HPSE: variants seen among roughly 807,000 people sequenced by gnomAD.
HPSE encodes the protein endo-glucoronidase.
A neutral mutation model predicts 65.1 loss-of-function variants in HPSE; 48 were observed. That is an observed-to-expected ratio of 0.74 (90% confidence interval 0.58 to 0.94). The LOEUF is 0.94. HPSE is among the 40% of genes least tolerant of loss of function. The probability of loss-of-function intolerance (pLI) is 0.00; values close to 1 mark genes in which losing one functional copy is unlikely to be tolerated. For missense variants in HPSE, 644 were observed against 637.5 expected (o/e 1.01, Z -0.11); for synonymous variants, 243 against 260.0 (o/e 0.93, Z 0.63).
At chr4:83,310,513 T>C (rs115487484) in intron 5 of HPSE, among the ~76,000 whole-genome samples, 1 of 151,872 alleles carries the variant, frequency 6.6e-6, no homozygotes, top group African/African-American at 2.4e-5. Flanking sequence ...TACAAAAAAA[T>C]TTTTTTAAAG....
intron 6 of HPSE, among the ~76,000 whole-genome samples, chr4:83,309,725 T>G (rs11732810): frequency 0.71 from 108,437 of 152,018 alleles, 39,414 homozygotes; most frequent in East Asian, 0.87. Context: ...CAGTGGCAAG[T>G]ACATGTACTC....
chr4:83,310,651 G>C (rs1253612277), intron 5 of HPSE, 71 bp downstream of exon 5: 22 of 1,437,274 alleles, frequency 1.5e-5, no homozygotes, highest in Non-Finnish European at 2.0e-5. Context: ...CAGTCTGGCT[G>C]ACAGAGTGAG....
At position 83,309,395 on chromosome 4, in the gene HPSE, C is replaced by CTATT; in HGVS notation, c.984+3_984+6dup. 1 of 1,453,192 alleles carries CTATT rather than the reference C, an allele frequency of 6.9e-7. No individual in the cohort carries two copies. The highest frequency in any genetic ancestry group is 9.5e-7 in the Non-Finnish European group (1 of 1,049,150). 90.0% of individuals were successfully genotyped at this position (1,453,192 alleles called of 1,614,324 possible). Reference sequence around the variant, plus strand: ...TTTTACATTAAAAAGTTTAAAAAGACTATTACCTGGAAAACTTTTTGCACA... The same window carrying CTATT: ...TTTTACATTAAAAAGTTTAAAAAGACTATTTATTACCTGGAAAACTTTTTGCACA... On this transcript the variant is annotated splice_region_variant and intron_variant, in intron 7 of 11. Coordinates refer to ENST00000311412, the MANE Select transcript of HPSE (RefSeq NM_001098540.3).
intron 1 of HPSE, among the ~76,000 whole-genome samples, chr4:83,329,809 C>A (rs1737295638): frequency 6.6e-6 from 1 of 151,708 alleles, no homozygotes; most frequent in Non-Finnish European, 1.5e-5. Flanking sequence ...GATGGTGAGA[C>A]TAGGAAGTGG....
Position 83,310,750 on chromosome 4 carries a change from G to C in HPSE, c.814C>G (p.Arg272Gly), listed in dbSNP as rs1033093262. The C allele has an allele frequency of 6.2e-7, 1 of 1,613,190 alleles. No individual in the cohort carries two copies. Among genetic ancestry groups the C allele is most frequent in the Non-Finnish European group, 8.5e-7 (1 of 1,179,692 alleles). Residue 272 changes from arginine to glycine, a missense_variant, in exon 5 of 12, where the codon CGA becomes GGA. Coordinates refer to ENST00000311412, the MANE Select transcript of HPSE (RefSeq NM_001098540.3). ...TTCAGCATCTTAGCCGTCTTTCTTC[G>C]AGGCTGACCAACATCAGGACCATAG... ...KLYGPDVGQP[R>G]RKTAKMLKSF...
intron 11 of HPSE, among the ~76,000 whole-genome samples, chr4:83,299,593 G>A (rs959897263): frequency 5.3e-5 from 8 of 152,212 alleles, no homozygotes; most frequent in African/African-American, 1.7e-4. Context: ...TGGAGAAAGC[G>A]TGCTTACTGT....
intron 11 of HPSE, among the ~76,000 whole-genome samples, chr4:83,299,279 G>C (rs1335063136): frequency 7.1e-6 from 1 of 141,386 alleles, no homozygotes; most frequent in Non-Finnish European, 1.5e-5. Flanking sequence ...TGGGAGAATT[G>C]CTTGAACCCA....
intron 3 of HPSE, among the ~76,000 whole-genome samples, chr4:83,318,545 C>T (rs114030291): frequency 0.029 from 4,359 of 151,914 alleles, 207 homozygotes; most frequent in African/African-American, 0.1. Context: ...ATAATATGAT[C>T]GGGGGTAATA....
chr4:83,306,522 C>T (rs1200020971), intron 8 of HPSE, among the ~76,000 whole-genome samples: 1 of 152,128 alleles, frequency 6.6e-6, no homozygotes, highest in African/African-American at 2.4e-5. Context: ...CTCCATTAAT[C>T]CTCCTGTCTC....
At chr4:83,330,053 A>G (rs1157392929) in intron 1 of HPSE, among the ~76,000 whole-genome samples, 7 of 152,216 alleles carry the variant, frequency 4.6e-5, no homozygotes, top group Non-Finnish European at 1.0e-4. Flanking sequence ...AGCAAATGGC[A>G]TTATTATCGT....
chr4:83,300,001 C>G (rs139207252), intron 11 of HPSE, among the ~76,000 whole-genome samples: 10 of 152,308 alleles, frequency 6.6e-5, no homozygotes, highest in South Asian at 2.1e-4. Flanking sequence ...CTGCGCCAAG[C>G]CTGTAAACTC....
intron 8 of HPSE, among the ~76,000 whole-genome samples, chr4:83,307,688 C>T (rs1736194289): frequency 6.6e-6 from 1 of 152,140 alleles, no homozygotes; most frequent in Admixed American, 6.5e-5. Flanking sequence ...CCCTTCTCCC[C>T]GACACCCCAG....
intron 8 of HPSE, 47 bp from the exon 9 acceptor site, chr4:83,306,364 C>T (rs775937315): frequency 5.3e-6 from 5 of 946,900 alleles, no homozygotes; most frequent in Non-Finnish European, 8.5e-6. Flanking sequence ...GAAACAAAAT[C>T]GCTCAATTCT....
chr4:83,309,272 G>A lies in HPSE; in HGVS notation c.984+130C>T. On this transcript the variant is annotated intron_variant, in intron 7 of 11. Coordinates refer to ENST00000311412, the MANE Select transcript of HPSE (RefSeq NM_001098540.3). ...AATGCTAAGGGGAAAACTAACAGTG[G>A]ATAAGTCATAGTGCTTGTTCTCTAA... is the stretch of plus-strand genomic sequence containing the variant. 3 of 625,298 alleles carry A rather than the reference G, an allele frequency of 4.8e-6. No homozygotes were observed. The South Asian group carries it at 6.5e-5, about 13-fold the overall frequency. 38.7% of individuals were successfully genotyped at this position (625,298 alleles called of 1,614,324 possible). A position where few individuals can be genotyped will look rare whatever the true frequency, so the allele number is the denominator to read the frequency against.
chr4:83,329,974 G>A (rs553513766), intron 1 of HPSE, among the ~76,000 whole-genome samples: 1 of 152,246 alleles, frequency 6.6e-6, no homozygotes, highest in South Asian at 2.1e-4. Context: ...TGCACATCAG[G>A]CTAGTCTACA....
rs992411646 is a variant in HPSE at position 83,306,650 on chromosome 4, C to T, written c.1092-333G>A. On this transcript the variant is annotated intron_variant, in intron 8 of 11. Coordinates refer to ENST00000311412, the MANE Select transcript of HPSE (RefSeq NM_001098540.3). ...ATCTTGCTTCTAACCTTTAAGCTGTCCTTCTTCATTCCTGGGTGTAGGCTG... is the reference window on the plus strand; with the variant it reads ...ATCTTGCTTCTAACCTTTAAGCTGTTCTTCTTCATTCCTGGGTGTAGGCTG... Among the ~76,000 whole-genome samples, 10 of 152,134 alleles carry T rather than the reference C, an allele frequency of 6.6e-5. No individual in the cohort carries two copies. In the East Asian group the frequency reaches 1.5e-3, roughly 23 times the overall value.
At chr4:83,301,287 C>A (rs1735938330) in intron 10 of HPSE, among the ~76,000 whole-genome samples, 181 bp from the exon 11 acceptor site, 1 of 152,092 alleles carries the variant, frequency 6.6e-6, no homozygotes, top group Admixed American at 6.6e-5. Flanking sequence ...TCGTTTTAGA[C>A]CGCTAGTGTG....
chr4:83,315,706 T>TG (rs1217552982), intron 3 of HPSE, among the ~76,000 whole-genome samples: 4 of 152,350 alleles, frequency 2.6e-5, no homozygotes, highest in Admixed American at 6.5e-5. Flanking sequence ...TCTAAAGTCC[T>TG]GGGACAAGCA....
At chr4:83,313,310 T>TTGTGACCATTA (rs1560509887) in intron 3 of HPSE, 23 bp from the exon 4 acceptor site, 1 of 1,582,566 alleles carries the variant, frequency 6.3e-7, no homozygotes, top group Non-Finnish European at 8.6e-7. Flanking sequence ...CGTCACAATT[T>TTGTGACCATTA]AATGGTTAGA....
Sources: gnomAD v4.1 joint callset for allele counts (sites outside exome capture counted in the v4.1 genomes callset) on GRCh38, gnomAD v4.1.1 for gene constraint, MANE v1.5 for transcripts, NCBI Gene and HGNC (gene_info 2026-07-23, HGNC 2026-07-21) for gene names.